NALF1: variants seen among roughly 807,000 people sequenced by gnomAD.
NALF1 encodes the protein family with sequence similarity 155 member A.
A neutral mutation model predicts 48.4 loss-of-function variants in NALF1; 3 were observed. The ratio of observed to expected loss-of-function variants is 0.06; its 90% CI spans 0.03 to 0.16. The LOEUF is 0.16. Among genes scored for constraint, NALF1 ranks in the 10% least tolerant of loss-of-function variants. The probability of loss-of-function intolerance (pLI) is 1.00; values close to 1 mark genes in which losing one functional copy is unlikely to be tolerated. For missense variants in NALF1, 526 were observed against 571.5 expected, an observed-to-expected ratio of 0.92 and a Z score of 0.81; for synonymous variants, 262 against 245.7, an observed-to-expected ratio of 1.07 and a Z score of -0.62.
At chr13:107,397,751 G>A (rs1883736417) in intron 1 of NALF1, among the ~76,000 whole-genome samples, 1 of 152,022 alleles carries the variant, frequency 6.6e-6, no homozygotes, top group African/African-American at 2.4e-5. Context: ...AGGTACCTAA[G>A]CCCTGGTGCT....
At chr13:107,780,965 G>C (rs1340413616) in intron 1 of NALF1, among the ~76,000 whole-genome samples, 1 of 151,980 alleles carries the variant, frequency 6.6e-6, no homozygotes, top group Non-Finnish European at 1.5e-5. Flanking sequence ...ATTGCTGATG[G>C]CATTTTAGAT....
chr13:107,818,858 C>A (rs1001765227), intron 1 of NALF1, among the ~76,000 whole-genome samples: 3 of 82,232 alleles, frequency 3.6e-5, no homozygotes, highest in African/African-American at 1.6e-4. Flanking sequence ...GGCGACAGAG[C>A]GAGACTCCGT....
intron 1 of NALF1, among the ~76,000 whole-genome samples, chr13:107,641,327 C>G (rs1338768026): frequency 6.6e-6 from 1 of 152,014 alleles, no homozygotes; most frequent in Non-Finnish European, 1.5e-5. Flanking sequence ...GGAGTAAGTT[C>G]TAGTATTCAA....
At chr13:107,764,760 T>C (rs1342858099) in intron 1 of NALF1, among the ~76,000 whole-genome samples, 1 of 152,180 alleles carries the variant, frequency 6.6e-6, no homozygotes, top group African/African-American at 2.4e-5. Context: ...CAGTGCCAAA[T>C]GTCCAGTGAT....
Position 107,604,359 on chromosome 13 carries a change from C to T in NALF1, c.915+261323G>A, listed in dbSNP as rs372190204. ...TAGAATTCAGTCTTTTTCCCCCTTT[C>T]TTTCTAAGGAATTTAGAAACTATTT... On this transcript the variant is annotated intron_variant, in intron 1 of 2. Transcript: ENST00000375915. Among the ~76,000 whole-genome samples the T allele has an allele frequency of 6.6e-5, 10 of 152,078 alleles. No homozygotes were observed. In the East Asian group the frequency reaches 1.4e-3, roughly 21 times the overall value.
intron 1 of NALF1, among the ~76,000 whole-genome samples, chr13:107,325,016 C>T (rs1235152874): frequency 6.6e-6 from 1 of 152,170 alleles, no homozygotes; most frequent in Non-Finnish European, 1.5e-5. Context: ...GTAAAGATGA[C>T]TATTGCAATC....
At chr13:107,213,293 T>A (rs576336135) in intron 1 of NALF1, among the ~76,000 whole-genome samples, 6 of 151,560 alleles carry the variant, frequency 4.0e-5, no homozygotes, top group East Asian at 1.9e-4. Context: ...CATTTTTTTT[T>A]AAGTATCAGG....
At chr13:107,613,122 G>T (rs1057055432) in intron 1 of NALF1, among the ~76,000 whole-genome samples, 1 of 152,118 alleles carries the variant, frequency 6.6e-6, no homozygotes, top group African/African-American at 2.4e-5. Context: ...TGAAACTCCC[G>T]GGGAAGATTC....
intron 1 of NALF1, among the ~76,000 whole-genome samples, chr13:107,220,888 A>G (rs1879977515): frequency 6.6e-6 from 1 of 152,080 alleles, no homozygotes; most frequent in Admixed American, 6.6e-5. Flanking sequence ...GAGGAAGGGC[A>G]GAGCATGGGA....
intron 1 of NALF1, among the ~76,000 whole-genome samples, chr13:107,741,409 T>G (rs1876629242): frequency 6.6e-6 from 1 of 152,348 alleles, no homozygotes; most frequent in South Asian, 2.1e-4. Flanking sequence ...TGAAGATATA[T>G]AAAGGATAAA....
intron 1 of NALF1, among the ~76,000 whole-genome samples, chr13:107,306,785 G>A: frequency 6.6e-6 from 1 of 152,144 alleles, no homozygotes; most frequent in African/African-American, 2.4e-5. Flanking sequence ...GCAACGTGGT[G>A]TGACCCTGTC....
chr13:107,445,256 C>T, intron 1 of NALF1, among the ~76,000 whole-genome samples: 1 of 152,208 alleles, frequency 6.6e-6, no homozygotes, highest in East Asian at 1.9e-4. Context: ...TGCCCTCTCT[C>T]CGAAGTCCCT....
chr13:107,383,735 C>T (rs981556434), intron 1 of NALF1, among the ~76,000 whole-genome samples: 19 of 152,146 alleles, frequency 1.2e-4, no homozygotes, highest in Non-Finnish European at 2.1e-4. Context: ...TGACAACATG[C>T]ACTTGTTCCC....
At chr13:107,196,491 C>G (rs1279512860) in intron 2 of NALF1, among the ~76,000 whole-genome samples, 3 of 152,092 alleles carry the variant, frequency 2.0e-5, no homozygotes, top group Admixed American at 2.0e-4. Flanking sequence ...AAGAATATAA[C>G]ATAGAATATT....
Position 107,326,039 on chromosome 13 carries a change from C to T in NALF1, c.916-115284G>A, listed in dbSNP as rs925824968. 2.7e-5 allele frequency among the ~76,000 whole-genome samples: 4 copies of T among 149,556 alleles called. No individual in the cohort carries two copies. The East Asian group carries it at 5.9e-4, about 22-fold the overall frequency. On this transcript the variant is annotated intron_variant, in intron 1 of 2. Coordinates refer to ENST00000375915, the MANE Select transcript of NALF1 (RefSeq NM_001080396.3). ...TGTGTAATCCTACTTTTCATCAAAT[C>T]GTTTCATTAGCCTCGAGTCATCCAA...
At chr13:107,412,466 T>C (rs1238678498) in intron 1 of NALF1, among the ~76,000 whole-genome samples, 1 of 152,072 alleles carries the variant, frequency 6.6e-6, no homozygotes, top group Non-Finnish European at 1.5e-5. Flanking sequence ...CACTGACTTG[T>C]TGTTGCTGGC....
At chr13:107,762,689 T>A (rs954066398) in intron 1 of NALF1, among the ~76,000 whole-genome samples, 2 of 151,866 alleles carry the variant, frequency 1.3e-5, no homozygotes, top group African/African-American at 4.8e-5. Flanking sequence ...ACATACAGAG[T>A]CGTTGTTCAG....
At chr13:107,361,364 T>C (rs1390867125) in intron 1 of NALF1, among the ~76,000 whole-genome samples, 1 of 152,072 alleles carries the variant, frequency 6.6e-6, no homozygotes, top group Non-Finnish European at 1.5e-5. Flanking sequence ...AACAGGTAAC[T>C]GGAAATTTGG....
chr13:107,583,216 T>A (rs1878362349), intron 1 of NALF1, among the ~76,000 whole-genome samples: 1 of 152,012 alleles, frequency 6.6e-6, no homozygotes, highest in Admixed American at 6.6e-5. Context: ...AACATAATGT[T>A]ATATAAATAT....
Sources: gnomAD v4.1 joint callset for allele counts (sites outside exome capture counted in the v4.1 genomes callset) on GRCh38, gnomAD v4.1.1 for gene constraint, MANE v1.5 for transcripts, NCBI Gene and HGNC (gene_info 2026-07-23, HGNC 2026-07-21) for gene names.